The following PTPRF variants were observed in gnomAD, a reference collection of about 807,000 sequenced individuals.
PTPRF encodes receptor-type tyrosine-protein phosphatase F.
PTPRF carries 59 observed loss-of-function variants against 201.8 expected under a neutral mutation model. The observed-to-expected ratio is 0.29, with a 90% CI of 0.24 to 0.36. The LOEUF is 0.36. Among genes scored for constraint, PTPRF ranks in the 10% least tolerant of loss-of-function variants. The pLI, the probability that PTPRF is intolerant of heterozygous loss-of-function variation, is 1.00. For synonymous variants in PTPRF, 1,088 were observed against 1,089.7 expected (o/e 1.00, Z 0.03); for missense variants, 2,132 against 2,690.5 (o/e 0.79, Z 4.59).
chr1:43,584,807 CT>C (rs1465075500), intron 7 of PTPRF, among the ~76,000 whole-genome samples: 1 of 152,228 alleles, frequency 6.6e-6, no homozygotes, highest in African/African-American at 2.4e-5. Context: ...GATCCTGCCC[CT>C]CATCCCCTCC....
intron 25 of PTPRF, among the ~76,000 whole-genome samples, chr1:43,618,384 C>T (rs1011479069): frequency 1.3e-5 from 2 of 152,150 alleles, no homozygotes; most frequent in African/African-American, 4.8e-5. Flanking sequence ...GTGCCTGGTG[C>T]GATCTGGCGT....
At chr1:43,573,888 AC>A (rs1157829645) in intron 6 of PTPRF, among the ~76,000 whole-genome samples, 1 of 150,430 alleles carries the variant, frequency 6.6e-6, no homozygotes, top group East Asian at 2.0e-4. Flanking sequence ...GGCGTGGATG[AC>A]AGGAGATCAG....
chr1:43,533,278 C>G (rs1332420248), intron 1 of PTPRF, among the ~76,000 whole-genome samples: 1 of 152,136 alleles, frequency 6.6e-6, no homozygotes, highest in Non-Finnish European at 1.5e-5. Context: ...GTGTACAAGG[C>G]TGCCAAGAGA....
In PTPRF at chr1:43,579,111, C is replaced by T. The variant is rs112938307; in HGVS notation, c.679+191C>T. On this transcript the variant is annotated intron_variant, in intron 7 of 33. Coordinates refer to ENST00000359947, the MANE Select transcript of PTPRF (RefSeq NM_002840.5). ...AAGTTCCTGGCGTCTGCCACTACTT[C>T]GCCTTCCTTCCTTGCAGGCCCATGG... The T allele has an allele frequency of 2.2e-3, 1,597 of 715,710 alleles. 26 individuals are homozygous for T. In the African/African-American group the frequency reaches 0.023, roughly 10 times the overall value. 44.3% of individuals were successfully genotyped at this position (715,710 alleles called of 1,614,324 possible).
intron 22 of PTPRF, among the ~76,000 whole-genome samples, chr1:43,611,640 G>T (rs767500742): frequency 2.0e-4 from 30 of 152,190 alleles, no homozygotes; most frequent in Non-Finnish European, 3.4e-4. Flanking sequence ...TGTCACTCTG[G>T]CTCCTTGAGG....
At chr1:43,530,202 G>T (rs904578051), upstream of PTPRF, among the ~76,000 whole-genome samples, 22 of 151,982 alleles carry the variant, frequency 1.4e-4, no homozygotes, top group African/African-American at 5.3e-4. The surrounding 1 kb of genome is among the most constrained non-coding windows in gnomAD (Gnocchi z 4.1). Flanking sequence ...ATTGAGAATC[G>T]AATTCAGAGT....
At chr1:43,535,869 G>A (rs921716009) in intron 1 of PTPRF, among the ~76,000 whole-genome samples, 1 of 152,124 alleles carries the variant, frequency 6.6e-6, no homozygotes, top group African/African-American at 2.4e-5. Flanking sequence ...CCACCTCCTG[G>A]GCTCAAGTGA....
At position 43,554,042 on chromosome 1, in the gene PTPRF, AAGG is replaced by A; in HGVS notation, c.379+106_379+108del. On this transcript the variant is annotated intron_variant, in intron 5 of 33. Coordinates refer to ENST00000359947, the MANE Select transcript of PTPRF (RefSeq NM_002840.5). This position sits in a 1 kb window ranked among gnomAD's most constrained non-coding sequence, Gnocchi z 4.1. ...CCTGGGCCCATGTGCATTTGGCAGA[AAGG>A]AGGACTGGCCACCTCGGGGTCAGTG... 7 of 1,489,344 alleles carry A rather than the reference AAGG, an allele frequency of 4.7e-6. 2 individuals are homozygous for A. In the Admixed American group the frequency reaches 1.4e-4, roughly 30 times the overall value. The allele number at this position is 1,489,344 out of a possible 1,614,324, so 92.3% of individuals were successfully genotyped here. A position where few individuals can be genotyped will look rare whatever the true frequency, so the allele number is the denominator to read the frequency against.
At chr1:43,582,489 G>A (rs1000853732) in intron 7 of PTPRF, 1 of 152,234 alleles carries the variant, frequency 6.6e-6, no homozygotes, top group African/African-American at 2.4e-5. Flanking sequence ...CAGCTGCTGG[G>A]GCCAGGGTGG....
chr1:43,596,107 T>G (rs1055406964), intron 11 of PTPRF, among the ~76,000 whole-genome samples: 1 of 151,002 alleles, frequency 6.6e-6, no homozygotes, highest in African/African-American at 2.4e-5. Context: ...TTGGTGAGAG[T>G]GTGGTAGGTG....
Position 43,605,849 on chromosome 1 carries a change from C to T in PTPRF, c.3483+227C>T, listed in dbSNP as rs1289190430. 4.6e-5 allele frequency among the ~76,000 whole-genome samples: 7 copies of T among 152,286 alleles called. No homozygotes were observed. In the South Asian group the frequency reaches 1.2e-3, roughly 27 times the overall value. ...ACGAAGAATCCCTGGGGTGGGATGT[C>T]GTGGAGATGCCTCTGCAGGTCTAGA... On this transcript the variant is annotated intron_variant, in intron 19 of 33. Transcript: ENST00000359947.
At chr1:43,596,238 G>A (rs1326643874) in intron 11 of PTPRF, among the ~76,000 whole-genome samples, 3 of 152,168 alleles carry the variant, frequency 2.0e-5, no homozygotes, top group Admixed American at 2.0e-4. Context: ...GAACAAGGGG[G>A]TGGGGTCTGC....
chr1:43,568,914 A>G (rs779858392), intron 5 of PTPRF, among the ~76,000 whole-genome samples: 19 of 152,220 alleles, frequency 1.2e-4, no homozygotes, highest in Non-Finnish European at 2.4e-4. Flanking sequence ...ACACTCAGGC[A>G]TGGTCTGCAG....
chr1:43,584,642 T>G (rs1648646431), intron 7 of PTPRF, among the ~76,000 whole-genome samples: 1 of 152,166 alleles, frequency 6.6e-6, no homozygotes, highest in Non-Finnish European at 1.5e-5. Context: ...TCCAGGGGGA[T>G]TTGCCGGGCT....
Position 43,553,890 on chromosome 1 carries a change from A to G in PTPRF, c.328A>G (p.Thr110Ala), listed in dbSNP as rs774033930. 1 of 1,613,224 alleles carries G rather than the reference A, an allele frequency of 6.2e-7. No homozygotes were observed. Among genetic ancestry groups the G allele is most frequent in the Non-Finnish European group, 8.5e-7 (1 of 1,179,754 alleles). ...TGAAGCCATCTATGAGTGTACAGCT[A>G]CTAACAGCCTGGGTGAGATCAACAC... is the stretch of plus-strand genomic sequence containing the variant. ...RDEAIYECTA[T>A]NSLGEINTSA... The change falls in exon 5 of 34, where the codon ACT (threonine) becomes GCT (alanine). Residue 110 changes from threonine (T) to alanine (A), a missense_variant. Coordinates refer to ENST00000359947, the MANE Select transcript of PTPRF (RefSeq NM_002840.5). The surrounding 1 kb of genome is among the most constrained non-coding windows in gnomAD (Gnocchi z 4.1).
At chr1:43,528,537 G>A (rs1349499592), upstream of PTPRF, 2 of 152,228 alleles carry the variant, frequency 1.3e-5, no homozygotes, top group Non-Finnish European at 2.9e-5. Flanking sequence ...GCATGCAAGA[G>A]AAGTTAGGAC....
intron 23 of PTPRF, among the ~76,000 whole-genome samples, chr1:43,615,496 GCTCC>G (rs1191878310): frequency 1.4e-5 from 2 of 147,922 alleles, no homozygotes; most frequent in Non-Finnish European, 3.0e-5. Context: ...GCCTTCTCAG[GCTCC>G]CCAAGGCTGC....
chr1:43,576,016 T>C, intron 6 of PTPRF: 1 of 1,242,694 alleles, frequency 8.0e-7, no homozygotes, highest in African/African-American at 1.5e-5. Context: ...CACCTCCCCA[T>C]CCCCATCCCA....
At chr1:43,562,439 T>C (rs1645873053) in intron 5 of PTPRF, among the ~76,000 whole-genome samples, 1 of 151,440 alleles carries the variant, frequency 6.6e-6, no homozygotes, top group Admixed American at 6.6e-5. Flanking sequence ...GGAGTCTCAC[T>C]CTGCCACCCA....
Sources: gnomAD v4.1 joint callset for allele counts (sites outside exome capture counted in the v4.1 genomes callset) on GRCh38, gnomAD v4.1.1 for gene constraint, Gnocchi (gnomAD v3.1) non-coding constraint, MANE v1.5 for transcripts, NCBI Gene and HGNC (gene_info 2026-07-23, HGNC 2026-07-21) for gene names.